The following ZNF804B variants were observed in gnomAD, a reference collection of about 807,000 sequenced individuals.
ZNF804B encodes zinc finger protein 804B.
ZNF804B carries 80 observed loss-of-function variants against 101.4 expected under a neutral mutation model. That is an observed-to-expected ratio of 0.79 (90% CI 0.66 to 0.95). The LOEUF is 0.95. ZNF804B is among the 40% of genes least tolerant of loss of function. The probability of loss-of-function intolerance (pLI) is 0.00; values close to 1 mark genes in which losing one functional copy is unlikely to be tolerated. For missense variants in ZNF804B, 1,673 were observed against 1,561.9 expected, an observed-to-expected ratio of 1.07 and a Z score of -1.20; for synonymous variants, 622 against 558.8, an observed-to-expected ratio of 1.11 and a Z score of -1.59.
chr7:89,007,515 T>TC, intron 1 of ZNF804B, among the ~76,000 whole-genome samples: 1 of 6,992 alleles, frequency 1.4e-4, no homozygotes, highest in South Asian at 3.0e-3. Flanking sequence ...TATAATTATA[T>TC]ATAATATAAT....
At chr7:89,039,338 C>T (rs987291394) in intron 1 of ZNF804B, among the ~76,000 whole-genome samples, 1 of 151,952 alleles carries the variant, frequency 6.6e-6, no homozygotes, top group Non-Finnish European at 1.5e-5. Context: ...AATCAATTAA[C>T]ATGGGTTATC....
intron 1 of ZNF804B, among the ~76,000 whole-genome samples, chr7:89,050,858 A>G (rs1442468788): frequency 6.6e-6 from 1 of 152,122 alleles, no homozygotes; most frequent in Non-Finnish European, 1.5e-5. Flanking sequence ...AACTTTTTAT[A>G]TACATATATT....
chr7:89,163,131 C>T (rs1022121580), intron 1 of ZNF804B, among the ~76,000 whole-genome samples: 4 of 151,592 alleles, frequency 2.6e-5, no homozygotes, highest in Admixed American at 6.6e-5. Context: ...AAGATAAAGC[C>T]AAGTTTGGTA....
chr7:89,277,691 A>G (rs545637116), intron 2 of ZNF804B, among the ~76,000 whole-genome samples: 2,357 of 151,470 alleles, frequency 0.016, 60 homozygotes, highest in African/African-American at 0.054. Flanking sequence ...ATCATTTTTT[A>G]TGGCTGCATA....
At chr7:89,141,852 C>T (rs1411823793) in intron 1 of ZNF804B, among the ~76,000 whole-genome samples, 4 of 149,662 alleles carry the variant, frequency 2.7e-5, no homozygotes, top group Admixed American at 6.7e-5. Context: ...TCCAAAAGCT[C>T]CTGAAATAAT....
chr7:89,320,802 C>T (rs540679930), intron 2 of ZNF804B, among the ~76,000 whole-genome samples: 1 of 151,858 alleles, frequency 6.6e-6, no homozygotes, highest in East Asian at 1.9e-4. Context: ...TACAAGAAAG[C>T]AATAATAAGA....
intron 1 of ZNF804B, among the ~76,000 whole-genome samples, chr7:89,059,900 T>C (rs1444012747): frequency 0.034 from 4 of 118 alleles, no homozygotes; most frequent in Non-Finnish European, 0.067. Context: ...ACCATCTAAT[T>C]GGCTGGGCCT....
chr7:89,111,572 T>G (rs993892982), intron 1 of ZNF804B, among the ~76,000 whole-genome samples: 1 of 152,220 alleles, frequency 6.6e-6, no homozygotes, highest in Non-Finnish European at 1.5e-5. Context: ...AGTTGTATTT[T>G]TATTGTTGCA....
intron 1 of ZNF804B, among the ~76,000 whole-genome samples, chr7:88,831,116 A>C (rs1791125448): frequency 6.6e-6 from 1 of 151,976 alleles, no homozygotes. Flanking sequence ...AATGTTTTCC[A>C]GTATATTCAG....
At chr7:89,150,540 C>T (rs1790858108) in intron 1 of ZNF804B, among the ~76,000 whole-genome samples, 1 of 151,998 alleles carries the variant, frequency 6.6e-6, no homozygotes, top group Non-Finnish European at 1.5e-5. Context: ...ATCATTTAAC[C>T]CTGTCTGCAT....
rs191624594 is a variant in ZNF804B at position 89,009,358 on chromosome 7, C to T, written c.109-208797C>T. On this transcript the variant is annotated intron_variant, in intron 1 of 3. Coordinates refer to ENST00000333190, the MANE Select transcript of ZNF804B (RefSeq NM_181646.5). The stretch of plus-strand genomic sequence containing the variant: ...ATTGAATCAAATATATGTATCCACT[C>T]TCAATCTTCTCAATTTCAATCACAT... Among the ~76,000 whole-genome samples, 5 of 152,196 alleles carry T rather than the reference C, an allele frequency of 3.3e-5. No individual in the cohort carries two copies. The East Asian group carries it at 9.7e-4, about 29-fold the overall frequency.
At chr7:88,773,303 G>C (rs1790095783) in intron 1 of ZNF804B, among the ~76,000 whole-genome samples, 1 of 152,198 alleles carries the variant, frequency 6.6e-6, no homozygotes, top group African/African-American at 2.4e-5. Flanking sequence ...GGAATTAGCA[G>C]TATGTGTAGC....
At chr7:89,250,072 C>A (rs930124689) in intron 2 of ZNF804B, among the ~76,000 whole-genome samples, 1 of 151,974 alleles carries the variant, frequency 6.6e-6, no homozygotes, top group African/African-American at 2.4e-5. Flanking sequence ...CCTGTAATCC[C>A]AGCTACTCAG....
At chr7:89,296,040 A>G (rs1293595466) in intron 2 of ZNF804B, among the ~76,000 whole-genome samples, 1 of 152,126 alleles carries the variant, frequency 6.6e-6, no homozygotes, top group Non-Finnish European at 1.5e-5. Context: ...ACTACACATT[A>G]GATACAATGT....
At chr7:88,937,738 A>G (rs1412083186) in intron 1 of ZNF804B, among the ~76,000 whole-genome samples, 2 of 152,084 alleles carry the variant, frequency 1.3e-5, no homozygotes, top group Non-Finnish European at 2.9e-5. Flanking sequence ...GAAAAGAAAA[A>G]TCAATATGTG....
chr7:89,034,072 T>G (rs1350229494), intron 1 of ZNF804B, among the ~76,000 whole-genome samples: 1 of 152,080 alleles, frequency 6.6e-6, no homozygotes, highest in Non-Finnish European at 1.5e-5. Flanking sequence ...TGTAGTTGTA[T>G]CTATTGTATT....
chr7:89,191,183 A>G (rs1788451292), intron 1 of ZNF804B, among the ~76,000 whole-genome samples: 1 of 152,168 alleles, frequency 6.6e-6, no homozygotes, highest in South Asian at 2.1e-4. Flanking sequence ...CAAGTCTTCA[A>G]GAACAACATA....
At chr7:88,814,555 T>C in intron 1 of ZNF804B, among the ~76,000 whole-genome samples, 1 of 152,044 alleles carries the variant, frequency 6.6e-6, no homozygotes, top group East Asian at 1.9e-4. Flanking sequence ...TGAGACTCAG[T>C]TGAGGCAACT....
intron 1 of ZNF804B, among the ~76,000 whole-genome samples, chr7:89,192,075 G>A (rs1268170337): frequency 6.6e-6 from 1 of 152,024 alleles, no homozygotes; most frequent in African/African-American, 2.4e-5. Context: ...TTATTAGGAG[G>A]ATGAAAAATA....
Sources: gnomAD v4.1 joint callset for allele counts (sites outside exome capture counted in the v4.1 genomes callset) on GRCh38, gnomAD v4.1.1 for gene constraint, MANE v1.5 for transcripts, NCBI Gene and HGNC (gene_info 2026-07-23, HGNC 2026-07-21) for gene names.